KCNIP1: variants seen among roughly 807,000 people sequenced by gnomAD.
The protein encoded by KCNIP1 is A-type potassium channel modulatory protein KCNIP1.
In KCNIP1, 18 loss-of-function variants were observed where a neutral mutation model predicts 33.0. The observed-to-expected ratio is 0.55, with a 90% CI of 0.38 to 0.81. The LOEUF is 0.81. Ranked by LOEUF, KCNIP1 falls within the 30% of genes least tolerant of loss-of-function variation. The pLI is 0.00. For missense variants in KCNIP1, 238 were observed against 271.6 expected (o/e 0.88, Z 0.87); for synonymous variants, 93 against 98.3 (o/e 0.95, Z 0.32).
chr5:170,426,873 A>G (rs1755627159), intron 1 of KCNIP1, among the ~76,000 whole-genome samples: 1 of 152,268 alleles, frequency 6.6e-6, no homozygotes, highest in African/African-American at 2.4e-5. Context: ...TTTTGGCCTC[A>G]GGGAGGAGAA....
At position 170,551,794 on chromosome 5, in the gene KCNIP1, CA is replaced by C. The variant is rs574440655; in HGVS notation, c.61+47163del. On this transcript the variant is annotated intron_variant, in intron 1 of 7. Transcript: ENST00000328939. The stretch of plus-strand genomic sequence containing the variant: ...GTATGAATGTGAGTGTGTGTATGTT[CA>C]AGTATGTGTGTGAATGTGAGTATGT... Among the ~76,000 whole-genome samples, 233 of 151,090 alleles carry C rather than the reference CA, an allele frequency of 1.5e-3. 1 individual carries two copies. The highest frequency in any genetic ancestry group is 1.0e-3 in the Non-Finnish European group (68 of 67,740).
At chr5:170,643,894 T>A (rs1420134668) in intron 1 of KCNIP1, among the ~76,000 whole-genome samples, 1 of 152,252 alleles carries the variant, frequency 6.6e-6, no homozygotes, top group Non-Finnish European at 1.5e-5. Context: ...CAAGTGGTCC[T>A]GGGGATGAAG....
chr5:170,673,169 C>T (rs1226277166), intron 1 of KCNIP1, among the ~76,000 whole-genome samples: 2 of 152,322 alleles, frequency 1.3e-5, no homozygotes, highest in African/African-American at 2.4e-5. Context: ...GTGCTGTCCC[C>T]GCCCAACCCC....
intron 1 of KCNIP1, among the ~76,000 whole-genome samples, chr5:170,582,557 C>G (rs1040488404): frequency 6.6e-6 from 1 of 152,320 alleles, no homozygotes; most frequent in East Asian, 1.9e-4. Flanking sequence ...CATAAATGTG[C>G]TGCTAGAGAG....
intron 1 of KCNIP1, among the ~76,000 whole-genome samples, chr5:170,435,702 C>T (rs1274765521): frequency 6.6e-6 from 1 of 152,160 alleles, no homozygotes. Flanking sequence ...ATCCGTACCC[C>T]ACAGGGTTAC....
intron 1 of KCNIP1, among the ~76,000 whole-genome samples, chr5:170,456,206 G>A (rs1756369462): frequency 1.3e-5 from 2 of 152,104 alleles, no homozygotes; most frequent in South Asian, 4.2e-4. Flanking sequence ...AACTGACACA[G>A]GAACAGATAA....
In KCNIP1 at chr5:170,399,425, G is replaced by C. The variant is rs116137733; in HGVS notation, c.88+45461G>C. On this transcript the variant is annotated intron_variant, in intron 1 of 7. Coordinates refer to the KCNIP1 transcript ENST00000377360. ...TAAACCAGAGGCCTGGTAAACAGGG[G>C]TTTCTATAACAGGCCTACATGACCA... Among the ~76,000 whole-genome samples, 654 of 152,274 alleles carry C rather than the reference G, an allele frequency of 4.3e-3. 2 individuals are homozygous for C. The highest frequency in any genetic ancestry group is 0.015 in the African/African-American group (611 of 41,544).
At chr5:170,681,576 T>C (rs988912087) in intron 1 of KCNIP1, 2 of 155,046 alleles carry the variant, frequency 1.3e-5, no homozygotes, top group African/African-American at 4.8e-5. Flanking sequence ...TTAACTTTTT[T>C]AAAGAAGTTT....
chr5:170,560,232 C>T (rs1756987867), intron 1 of KCNIP1, among the ~76,000 whole-genome samples: 1 of 152,066 alleles, frequency 6.6e-6, no homozygotes, highest in Non-Finnish European at 1.5e-5. Flanking sequence ...CAGCAGAAAG[C>T]ACACGAGAGC....
At position 170,504,104 on chromosome 5, in the gene KCNIP1, C is replaced by G; in HGVS notation, c.-469C>G. 1 of 987,176 alleles carries G rather than the reference C, an allele frequency of 1.0e-6. No homozygotes were observed. The highest frequency in any genetic ancestry group is 1.2e-6 in the Non-Finnish European group (1 of 831,402). The allele number at this position is 987,176 out of a possible 1,614,324, so 61.2% of individuals were successfully genotyped here. On this transcript the variant is annotated 5_prime_UTR_variant, in exon 1 of 8. Transcript: ENST00000328939. The surrounding 1 kb of genome is among the most constrained non-coding windows in gnomAD (Gnocchi z 6.0). ...CGCGCCGCGCGGTCCGGGCTCTGTT[C>G]ATTCATGATTGGTACTCGGCCCTCC...
intron 1 of KCNIP1, among the ~76,000 whole-genome samples, chr5:170,559,322 A>G (rs1252074405): frequency 2.0e-5 from 3 of 152,208 alleles, no homozygotes; most frequent in Non-Finnish European, 4.4e-5. Context: ...ACTTCCATTT[A>G]TGTCAAATCG....
chr5:170,430,280 C>A (rs1021305475), intron 1 of KCNIP1, among the ~76,000 whole-genome samples: 8 of 152,216 alleles, frequency 5.3e-5, no homozygotes, highest in African/African-American at 1.9e-4. Context: ...ATGCTGAAGG[C>A]CCCCATTCCA....
intron 1 of KCNIP1, among the ~76,000 whole-genome samples, chr5:170,462,765 A>ATG (rs1035032663): frequency 1.1e-4 from 17 of 151,650 alleles, no homozygotes; most frequent in African/African-American, 4.1e-4. Context: ...ATATATATAT[A>ATG]TATAAATGGA....
At chr5:170,680,902 G>A (rs1762319245) in intron 1 of KCNIP1, 2 of 396,398 alleles carry the variant, frequency 5.0e-6, no homozygotes, top group Non-Finnish European at 8.9e-6. Context: ...GAGAGAGGTG[G>A]AGGGAGGGGT....
intron 1 of KCNIP1, among the ~76,000 whole-genome samples, chr5:170,476,224 G>A (rs534164591): frequency 4.9e-4 from 74 of 152,268 alleles, no homozygotes; most frequent in African/African-American, 1.7e-3. Flanking sequence ...ATCAGCCTTG[G>A]CCTCCCAAAG....
intron 1 of KCNIP1, among the ~76,000 whole-genome samples, chr5:170,355,901 A>T (rs969411266): frequency 6.6e-6 from 1 of 152,164 alleles, no homozygotes; most frequent in Non-Finnish European, 1.5e-5. Context: ...CCAGGGCAGG[A>T]TTGTGTCTTA....
chr5:170,606,902 C>T (rs1758942986), intron 1 of KCNIP1, among the ~76,000 whole-genome samples: 1 of 152,220 alleles, frequency 6.6e-6, no homozygotes, highest in Admixed American at 6.5e-5. Context: ...ACTGCTCCTT[C>T]CCACCAGGCA....
chr5:170,496,446 T>C (rs1488587419), intron 1 of KCNIP1, among the ~76,000 whole-genome samples: 2 of 152,112 alleles, frequency 1.3e-5, no homozygotes, highest in Non-Finnish European at 2.9e-5. Flanking sequence ...TTCAGGAAGG[T>C]TGCTTAACCT....
chr5:170,589,794 T>TGTGCGGTGCG (rs149120148), intron 1 of KCNIP1, among the ~76,000 whole-genome samples: 29,165 of 111,536 alleles, frequency 0.26, 5,549 homozygotes, highest in East Asian at 0.52. Context: ...TGTGATGTGG[T>TGTGCGGTGCG]GTGCGGTGCG....
Sources: allele counts gnomAD v4.1 joint callset (sites outside exome capture counted in the v4.1 genomes callset), GRCh38; gene constraint gnomAD v4.1.1; non-coding constraint Gnocchi (gnomAD v3.1); transcripts MANE v1.5; gene names NCBI Gene and HGNC (gene_info 2026-07-23, HGNC 2026-07-21).